The following TMC7 variants were observed in gnomAD, a reference collection of about 807,000 sequenced individuals.
The protein encoded by TMC7 is transmembrane channel-like protein 7.
A neutral mutation model predicts 82.9 loss-of-function variants in TMC7; 54 were observed. The ratio of observed to expected loss-of-function variants is 0.65; its 90% CI spans 0.52 to 0.82. The LOEUF (loss-of-function observed/expected upper bound fraction) is 0.82. TMC7 is among the 40% of genes least tolerant of loss of function. The pLI is 0.00. For missense variants in TMC7, 820 were observed against 901.2 expected (o/e 0.91, Z 1.15); for synonymous variants, 350 against 337.9 (o/e 1.04, Z -0.39).
At chr16:19,017,941 A>T (rs1352153435) in intron 3 of TMC7, among the ~76,000 whole-genome samples, 1 of 152,098 alleles carries the variant, frequency 6.6e-6, no homozygotes, top group Non-Finnish European at 1.5e-5. Flanking sequence ...AAGTGCTGGG[A>T]TTACAGGCGT....
chr16:19,030,018 C>T (rs1023725935), intron 5 of TMC7, among the ~76,000 whole-genome samples: 1 of 152,098 alleles, frequency 6.6e-6, no homozygotes, highest in African/African-American at 2.4e-5. Flanking sequence ...GCCCGGCCCA[C>T]CTGTGCATTT....
intron 1 of TMC7, among the ~76,000 whole-genome samples, chr16:18,989,823 CTTTTT>C (rs903314333): frequency 7.3e-5 from 11 of 149,834 alleles, no homozygotes; most frequent in African/African-American, 2.7e-4. Context: ...GAGGCGACTC[CTTTTT>C]TTTATTTTTT....
At chr16:19,003,101 C>A (rs558305241) in intron 1 of TMC7, among the ~76,000 whole-genome samples, 1 of 152,022 alleles carries the variant, frequency 6.6e-6, no homozygotes, top group Non-Finnish European at 1.5e-5. Context: ...GAGGCTAAGG[C>A]GGGAGGATCA....
At chr16:19,040,567 C>A in intron 9 of TMC7, 121 bp downstream of exon 9, 1 of 866,620 alleles carries the variant, frequency 1.2e-6, no homozygotes, top group Non-Finnish European at 1.8e-6. Flanking sequence ...AAGAGTCCTC[C>A]TCAACCTTCA....
intron 1 of TMC7, among the ~76,000 whole-genome samples, chr16:18,997,855 G>A (rs890457232): frequency 3.3e-5 from 5 of 149,664 alleles, no homozygotes; most frequent in South Asian, 4.3e-4. Flanking sequence ...TCAGCATCCC[G>A]AGTAGCTGGG....
At chr16:19,056,781 G>T in intron 14 of TMC7, 84 bp downstream of exon 14, 1 of 1,455,414 alleles carries the variant, frequency 6.9e-7, no homozygotes, top group Non-Finnish European at 9.4e-7. Context: ...GGTCACCCTA[G>T]ACTTGACAAG....
At chr16:19,048,234 A>T (rs6497321) in intron 12 of TMC7, among the ~76,000 whole-genome samples, 1 of 151,146 alleles carries the variant, frequency 6.6e-6, no homozygotes, top group Non-Finnish European at 1.5e-5. Context: ...CTTCAACCCC[A>T]CAAAGTGCTG....
chr16:19,030,932 T>C (rs936902521), intron 6 of TMC7, among the ~76,000 whole-genome samples: 1 of 152,034 alleles, frequency 6.6e-6, no homozygotes, highest in African/African-American at 2.4e-5. Flanking sequence ...ACTGCACACA[T>C]ACCCCTTCCT....
At chr16:19,048,803 T>C (rs1350141025) in intron 12 of TMC7, among the ~76,000 whole-genome samples, 3 of 152,202 alleles carry the variant, frequency 2.0e-5, no homozygotes, top group Non-Finnish European at 2.9e-5. Flanking sequence ...TGTCCCTTCT[T>C]CCAGAGGTAC....
intron 13 of TMC7, among the ~76,000 whole-genome samples, 190 bp downstream of exon 13, chr16:19,052,006 C>G (rs1446717391): frequency 2.6e-5 from 4 of 151,820 alleles, no homozygotes; most frequent in Non-Finnish European, 4.4e-5. Flanking sequence ...ATGATTCTCC[C>G]GAGTAGCTGG....
intron 1 of TMC7, among the ~76,000 whole-genome samples, chr16:18,989,428 T>C (rs1238037379): frequency 1.3e-5 from 2 of 151,624 alleles, no homozygotes; most frequent in African/African-American, 2.4e-5. Context: ...TTTCAGGAAG[T>C]GAAGAATTTA....
At chr16:19,031,634 G>A (rs1960520439) in intron 6 of TMC7, among the ~76,000 whole-genome samples, 1 of 152,118 alleles carries the variant, frequency 6.6e-6, no homozygotes, top group Admixed American at 6.6e-5. Flanking sequence ...TCGTACCACT[G>A]CACTCCAGCC....
intron 5 of TMC7, among the ~76,000 whole-genome samples, chr16:19,028,074 G>T (rs1960318679): frequency 6.6e-6 from 1 of 152,108 alleles, no homozygotes; most frequent in Admixed American, 6.6e-5. Flanking sequence ...TCCCTGTATG[G>T]ACATTCAGAT....
In TMC7 at chr16:18,983,977, C is replaced by G. The variant is rs1254676564; in HGVS notation, c.-87C>G. ...TCAGCGCCGGAACCTGGAATCCCGG[C>G]TCCGCGAGGGAAGGCCGGGGAGGCG... On this transcript the variant is annotated 5_prime_UTR_variant, in exon 1 of 16. Coordinates refer to ENST00000304381, the MANE Select transcript of TMC7 (RefSeq NM_024847.4). The G allele has an allele frequency of 6.9e-6, 9 of 1,298,732 alleles. No homozygotes were observed. The South Asian group carries it at 7.9e-5, about 11-fold the overall frequency. The allele number at this position is 1,298,732 out of a possible 1,614,324, so 80.5% of individuals were successfully genotyped here.
At chr16:19,016,115 A>C (rs1046826622) in intron 2 of TMC7, among the ~76,000 whole-genome samples, 3 of 149,606 alleles carry the variant, frequency 2.0e-5, no homozygotes, top group African/African-American at 7.4e-5. Flanking sequence ...TTTTTTTTTG[A>C]GATGAAGTTT....
At chr16:19,010,129 C>G (rs1460161169) in intron 2 of TMC7, among the ~76,000 whole-genome samples, 1 of 70,784 alleles carries the variant, frequency 1.4e-5, no homozygotes, top group Non-Finnish European at 3.0e-5. Context: ...TTTCCCCTCT[C>G]TCCTCTCCCC....
At chr16:18,993,599 T>C (rs1416844295) in intron 1 of TMC7, among the ~76,000 whole-genome samples, 1 of 152,194 alleles carries the variant, frequency 6.6e-6, no homozygotes, top group Non-Finnish European at 1.5e-5. Flanking sequence ...CCCTGAGTGA[T>C]GGGATCTGAT....
At chr16:18,994,387 T>G (rs1406873124) in intron 1 of TMC7, among the ~76,000 whole-genome samples, 2 of 151,398 alleles carry the variant, frequency 1.3e-5, no homozygotes, top group Non-Finnish European at 2.9e-5. Context: ...TCCTGGCTCT[T>G]GTGTAAGAAT....
chr16:19,038,168 C>T, intron 8 of TMC7, 121 bp downstream of exon 8: 2 of 997,506 alleles, frequency 2.0e-6, no homozygotes, highest in Non-Finnish European at 2.9e-6. Context: ...ATGATCAAGA[C>T]CTGAAAATCA....
Sources: allele counts gnomAD v4.1 joint callset (sites outside exome capture counted in the v4.1 genomes callset), GRCh38; gene constraint gnomAD v4.1.1; transcripts MANE v1.5; gene names NCBI Gene and HGNC (gene_info 2026-07-23, HGNC 2026-07-21).